WRN: variants seen among roughly 807,000 people sequenced by gnomAD.
WRN encodes the protein WRN RecQ like helicase.
A neutral mutation model predicts 180.7 loss-of-function variants in WRN; 149 were observed. That is an observed-to-expected ratio of 0.82 (90% CI 0.72 to 0.94). The LOEUF is 0.94. Ranked by LOEUF, WRN falls within the 40% of genes least tolerant of loss-of-function variation. The pLI, the probability that WRN is intolerant of heterozygous loss-of-function variation, is 0.00. For synonymous variants in WRN, 548 were observed against 568.9 expected (o/e 0.96, Z 0.52); for missense variants, 1,661 against 1,700.1 (o/e 0.98, Z 0.40).
In WRN at chr8:31,056,731, GTAT is replaced by G. The variant is rs576584775; in HGVS notation, c.-76-1635_-76-1633del. Among the ~76,000 whole-genome samples the G allele has an allele frequency of 5.9e-4, 90 of 152,210 alleles. 1 individual carries two copies. Among genetic ancestry groups the G allele is most frequent in the African/African-American group, 1.9e-3 (77 of 41,526 alleles). On this transcript the variant is annotated intron_variant, in intron 1 of 34. Transcript: ENST00000298139. ...TTTGTGTGTTGATTTTGGGACTCCTGTATTATTAATTATGTGGTTTATTTGACT... is the reference window on the plus strand; with the variant it reads ...TTTGTGTGTTGATTTTGGGACTCCTGTATTAATTATGTGGTTTATTTGACT...
rs771397499 is a variant in WRN at position 31,067,104 on chromosome 8, C to G, written c.576C>G (p.Asp192Glu). 6.2e-7 allele frequency: 1 copy of G among 1,613,934 alleles called. No homozygotes were observed. The highest frequency in any genetic ancestry group is 8.5e-7 in the Non-Finnish European group (1 of 1,179,958). ...KHLLGKQLLK[D>E]KSIRCSNWSK... ...TCTTAGGTAAACAGCTCCTGAAAGA[C>G]AAGTCTATCCGCTGTAGCAATTGGA... Residue 192 changes from aspartate (D) to glutamate (E), a missense_variant, in exon 6 of 35, where the codon GAC (aspartate) becomes GAG (glutamate). Transcript: ENST00000298139.
rs369159996 is a variant in WRN at position 31,094,229 on chromosome 8, G to A, written c.1898+2331G>A. ...TTTAATCATTACTAAAGTCCAGTGG[G>A]TTTTGGTATAGTAATAATATATAAC... is the stretch of plus-strand genomic sequence containing the variant. On this transcript the variant is annotated intron_variant, in intron 16 of 34. Transcript: ENST00000298139. 3.3e-5 allele frequency among the ~76,000 whole-genome samples: 5 copies of A among 152,104 alleles called. No individual in the cohort carries two copies. The East Asian group carries it at 9.7e-4, about 29-fold the overall frequency.
intron 20 of WRN, among the ~76,000 whole-genome samples, chr8:31,117,276 T>C (rs4037084): frequency 0.45 from 67,798 of 151,964 alleles, 15,459 homozygotes; most frequent in East Asian, 0.6. Context: ...CACTCCCTGT[T>C]GGGGTCTTAT....
intron 23 of WRN, among the ~76,000 whole-genome samples, chr8:31,127,476 A>G (rs1801970563): frequency 1.3e-5 from 2 of 152,218 alleles, no homozygotes; most frequent in Admixed American, 1.3e-4. Flanking sequence ...ACCTAAGTTC[A>G]ATAGCTGCGT....
intron 20 of WRN, among the ~76,000 whole-genome samples, chr8:31,117,102 G>C (rs575876957): frequency 1.3e-4 from 20 of 152,188 alleles, no homozygotes; most frequent in African/African-American, 4.1e-4. Flanking sequence ...GTCTGGGCTT[G>C]GTATCATATA....
intron 1 of WRN, among the ~76,000 whole-genome samples, chr8:31,055,086 A>T (rs1812218002): frequency 1.3e-5 from 2 of 152,226 alleles, no homozygotes; most frequent in Admixed American, 1.3e-4. Context: ...ATTCCATTTT[A>T]TATGTACCAC....
intron 34 of WRN, among the ~76,000 whole-genome samples, chr8:31,172,679 A>T (rs1804147527): frequency 6.6e-6 from 1 of 152,158 alleles, no homozygotes; most frequent in Non-Finnish European, 1.5e-5. Flanking sequence ...ATTTTGGTCA[A>T]CTCAAAGCAA....
chr8:31,153,048 T>TTGTTATA (rs1803202969), intron 31 of WRN, among the ~76,000 whole-genome samples: 1 of 152,122 alleles, frequency 6.6e-6, no homozygotes, highest in Admixed American at 6.5e-5. Context: ...AAAAGTGTCT[T>TTGTTATA]TGTTATATTC....
intron 32 of WRN, 143 bp downstream of exon 32, chr8:31,154,898 G>C: frequency 8.6e-7 from 1 of 1,165,756 alleles, no homozygotes; most frequent in Non-Finnish European, 1.2e-6. Context: ...AATTTTAAAA[G>C]AGAATGTTGT....
intron 16 of WRN, among the ~76,000 whole-genome samples, chr8:31,093,402 AGTTGTT>A (rs754133241): frequency 1.3e-5 from 2 of 151,942 alleles, no homozygotes; most frequent in Admixed American, 1.3e-4. Context: ...CACCTGATGC[AGTTGTT>A]GTTGTTGTTG....
At chr8:31,080,214 G>A (rs769872011) in intron 8 of WRN, among the ~76,000 whole-genome samples, 6 of 152,096 alleles carry the variant, frequency 3.9e-5, no homozygotes, top group African/African-American at 9.7e-5. Flanking sequence ...GTTAATGTTT[G>A]TTTGTTCCCA....
chr8:31,063,624 T>A (rs2130028702), intron 3 of WRN, among the ~76,000 whole-genome samples: 1 of 152,376 alleles, frequency 6.6e-6, no homozygotes, highest in Middle Eastern at 3.4e-3. Flanking sequence ...TTTTTACCAA[T>A]CAGATAGATG....
chr8:31,124,411 G>T, intron 21 of WRN, 111 bp from the exon 22 acceptor site: 1 of 803,376 alleles, frequency 1.2e-6, no homozygotes. Context: ...ATCTTGATGG[G>T]GTGTGGGTTT....
At chr8:31,043,711 G>T (rs1349077709) in intron 1 of WRN, among the ~76,000 whole-genome samples, 2 of 152,126 alleles carry the variant, frequency 1.3e-5, no homozygotes, top group Non-Finnish European at 2.9e-5. Flanking sequence ...CAAGAAAGAG[G>T]TAGGCAGGGA....
intron 7 of WRN, among the ~76,000 whole-genome samples, chr8:31,075,779 A>G (rs1330774826): frequency 6.6e-6 from 1 of 152,082 alleles, no homozygotes; most frequent in East Asian, 1.9e-4. Flanking sequence ...AATGAAGGCA[A>G]TGAGGGATGA....
intron 1 of WRN, among the ~76,000 whole-genome samples, chr8:31,036,537 T>C (rs1286252953): frequency 6.6e-6 from 1 of 152,238 alleles, no homozygotes; most frequent in Non-Finnish European, 1.5e-5. Flanking sequence ...TTTTTGGTAA[T>C]AGCCATTCTA....
In WRN at chr8:31,085,169, T is replaced by G; in HGVS notation, c.1354T>G (p.Leu452Val). The G allele has an allele frequency of 6.2e-7, 1 of 1,612,936 alleles. No individual in the cohort carries two copies. Among genetic ancestry groups the G allele is most frequent in the Non-Finnish European group, 8.5e-7 (1 of 1,179,338 alleles). ...EDLEMEMLKHLSPNDNENDTS... is the reference protein window; with the variant it reads ...EDLEMEMLKHVSPNDNENDTS... ...TGCTTAATACTTTTTTTTAAAGCAT[T>G]TATCTCCCAATGATAATGAAAACGA... Residue 452 changes from leucine to valine, a missense_variant, in exon 11 of 35, where the codon TTA (leucine) becomes GTA (valine). Transcript: ENST00000298139.
chr8:31,119,952 A>T, intron 20 of WRN: 1 of 346,950 alleles, frequency 2.9e-6, no homozygotes, highest in Non-Finnish European at 5.4e-6. Flanking sequence ...GTTTTCTTTA[A>T]CACAATAAAT....
chr8:31,047,335 A>G (rs73579561), intron 1 of WRN, among the ~76,000 whole-genome samples: 4,026 of 151,976 alleles, frequency 0.026, 171 homozygotes, highest in African/African-American at 0.09. Context: ...TAGAGATAGT[A>G]TTCGCCATGT....
Sources: allele counts gnomAD v4.1 joint callset (sites outside exome capture counted in the v4.1 genomes callset), GRCh38; gene constraint gnomAD v4.1.1; transcripts MANE v1.5; gene names NCBI Gene and HGNC (gene_info 2026-07-23, HGNC 2026-07-21).